The following RRM2 variants were observed in gnomAD, a reference collection of about 807,000 sequenced individuals.
RRM2 encodes ribonucleotide reductase regulatory subunit M2, also known as ribonucleoside-diphosphate reductase subunit M2.
Under a neutral mutation model 45.9 loss-of-function variants are expected in RRM2, and 6 were observed. The ratio of observed to expected loss-of-function variants is 0.13; its 90% CI spans 0.07 to 0.26. RRM2 has a LOEUF of 0.26. RRM2 is among the 10% of genes least tolerant of loss of function. The pLI is 1.00. For missense variants in RRM2, 343 were observed against 489.5 expected (o/e 0.70, Z 2.82); for synonymous variants, 177 against 173.0 (o/e 1.02, Z -0.18).
chr2:10,190,572 GTGA>G (rs1381844237), intron 3 of RRM2, among the ~76,000 whole-genome samples: 1 of 151,682 alleles, frequency 6.6e-6, no homozygotes, highest in East Asian at 1.9e-4. Context: ...GGTGATGATG[GTGA>G]TGATCATGGT....
chr2:10,141,761 C>A (rs1231649021), intron 1 of RRM2: 5 of 1,429,718 alleles, frequency 3.5e-6, no homozygotes, highest in Non-Finnish European at 4.6e-6. Context: ...AACAGAGCCC[C>A]AGGAGGTGGC....
downstream of RRM2, among the ~76,000 whole-genome samples, chr2:10,133,905 A>G (rs2125309739): frequency 6.6e-6 from 1 of 152,152 alleles, no homozygotes; most frequent in South Asian, 2.1e-4. Context: ...TGGGCCGGGC[A>G]TGGTGGCTCG....
chr2:10,200,724 T>G lies in RRM2; in HGVS notation n.483-9587T>G, dbSNP rs1251438691. ...CCACGGGGACCGCGCACACAAAATA[T>G]GAGGCCCGCCATCTAAGGGCTCTAC... On this transcript the variant is annotated intron_variant and non_coding_transcript_variant, in intron 3 of 3. Coordinates refer to the RRM2 transcript ENST00000381786. Among the ~76,000 whole-genome samples, 3 of 152,114 alleles carry G rather than the reference T, an allele frequency of 2.0e-5. 1 individual carries two copies. Among genetic ancestry groups the G allele is most frequent in the Non-Finnish European group, 4.4e-5 (3 of 68,034 alleles).
At chr2:10,190,932 C>G (rs1049025269) in intron 3 of RRM2, among the ~76,000 whole-genome samples, 10 of 152,112 alleles carry the variant, frequency 6.6e-5, no homozygotes, top group African/African-American at 1.9e-4. Context: ...TTCTCTAGCT[C>G]TGTCTCTCAC....
chr2:10,151,062 G>A (rs111744089), intron 3 of RRM2, among the ~76,000 whole-genome samples: 6,885 of 152,172 alleles, frequency 0.045, 526 homozygotes, highest in African/African-American at 0.16. Context: ...TGATCCACCC[G>A]CCTTGGCCTA....
At chr2:10,200,480 G>T (rs1223720607) in intron 3 of RRM2, among the ~76,000 whole-genome samples, 11 of 53,998 alleles carry the variant, frequency 2.0e-4, no homozygotes, top group African/African-American at 3.0e-4. Flanking sequence ...AAAATATGAG[G>T]CCCACAGGCA....
intron 3 of RRM2, among the ~76,000 whole-genome samples, chr2:10,180,555 C>T (rs917114796): frequency 6.6e-6 from 1 of 152,170 alleles, no homozygotes; most frequent in African/African-American, 2.4e-5. Context: ...TCGTGGTTGG[C>T]CCCTTCTCCC....
intron 3 of RRM2, among the ~76,000 whole-genome samples, chr2:10,202,283 A>G (rs868113746): frequency 6.6e-6 from 1 of 152,202 alleles, no homozygotes; most frequent in South Asian, 2.1e-4. Context: ...TCTTTCTACC[A>G]AAACTATATT....
intron 3 of RRM2, among the ~76,000 whole-genome samples, chr2:10,165,587 G>A (rs1375401982): frequency 6.6e-6 from 1 of 152,224 alleles, no homozygotes; most frequent in Middle Eastern, 3.2e-3. Flanking sequence ...AAAGTTTACG[G>A]GAAATAACAG....
chr2:10,198,548 G>T (rs77213809), intron 3 of RRM2: 1 of 152,106 alleles, frequency 6.6e-6, no homozygotes, highest in East Asian at 1.9e-4. Flanking sequence ...GGATACAGAC[G>T]TGCATCACTA....
downstream of RRM2, among the ~76,000 whole-genome samples, chr2:10,132,151 C>T (rs1572492237): frequency 6.6e-6 from 1 of 152,326 alleles, no homozygotes; most frequent in Middle Eastern, 3.4e-3. Context: ...CCCAAACGAA[C>T]CAATCATTCC....
chr2:10,160,104 T>C (rs2125318299), intron 3 of RRM2, among the ~76,000 whole-genome samples: 1 of 152,284 alleles, frequency 6.6e-6, no homozygotes, highest in Admixed American at 6.5e-5. Context: ...TTCCTGCTCT[T>C]ATGGGCTGCC....
At chr2:10,202,747 G>A (rs1295129272) in intron 3 of RRM2, among the ~76,000 whole-genome samples, 1 of 151,776 alleles carries the variant, frequency 6.6e-6, no homozygotes, top group African/African-American at 2.4e-5. Flanking sequence ...TTTTTGGGGT[G>A]GATTTAGGTG....
At chr2:10,128,771 A>G in intron 7 of RRM2, 77 bp from the exon 8 acceptor site, 1 of 1,062,668 alleles carries the variant, frequency 9.4e-7, no homozygotes, top group Non-Finnish European at 1.5e-6. Flanking sequence ...GAATGCAGAA[A>G]AGGACAAAGT....
chr2:10,176,288 G>A (rs972366354), intron 3 of RRM2, among the ~76,000 whole-genome samples: 3 of 151,706 alleles, frequency 2.0e-5, no homozygotes, highest in African/African-American at 7.3e-5. Context: ...TCTTTTTTTA[G>A]ATGGAGTTTT....
chr2:10,153,221 C>T (rs1414255129), intron 3 of RRM2, among the ~76,000 whole-genome samples: 2 of 152,080 alleles, frequency 1.3e-5, no homozygotes, highest in Admixed American at 1.3e-4. Context: ...GTAGTCCCAG[C>T]TACTCGGGAG....
At chr2:10,153,299 A>G (rs544506476) in intron 3 of RRM2, among the ~76,000 whole-genome samples, 1 of 152,240 alleles carries the variant, frequency 6.6e-6, no homozygotes, top group Non-Finnish European at 1.5e-5. Flanking sequence ...ATGCCACTGC[A>G]CTCCAGCCTG....
At chr2:10,139,573 A>T (rs1421712460), upstream of RRM2, among the ~76,000 whole-genome samples, 1 of 152,168 alleles carries the variant, frequency 6.6e-6, no homozygotes, top group Non-Finnish European at 1.5e-5. Context: ...ATGAGGGGAC[A>T]GTTAGTGGAT....
At chr2:10,125,562 C>T (rs941950907) in intron 5 of RRM2, among the ~76,000 whole-genome samples, 21 of 152,116 alleles carry the variant, frequency 1.4e-4, no homozygotes, top group African/African-American at 4.1e-4. Context: ...AAAGTGGTGG[C>T]GGGCGCCTGT....
Sources: allele counts gnomAD v4.1 joint callset (sites outside exome capture counted in the v4.1 genomes callset), GRCh38; gene constraint gnomAD v4.1.1; transcripts MANE v1.5; gene names NCBI Gene and HGNC (gene_info 2026-07-23, HGNC 2026-07-21).